NUP205: variants seen among roughly 807,000 people sequenced by gnomAD.
NUP205 encodes nucleoporin 205, also known as nuclear pore complex protein Nup205.
NUP205 carries 76 observed loss-of-function variants against 253.8 expected under a neutral mutation model. The ratio of observed to expected loss-of-function variants is 0.30; its 90% CI spans 0.25 to 0.36. NUP205 has a LOEUF of 0.36. NUP205 is among the 10% of genes least tolerant of loss of function. The pLI, the probability that NUP205 is intolerant of heterozygous loss-of-function variation, is 1.00. For missense variants in NUP205, 2,162 were observed against 2,425.5 expected, an observed-to-expected ratio of 0.89 and a Z score of 2.28; for synonymous variants, 832 against 850.1, an observed-to-expected ratio of 0.98 and a Z score of 0.37.
intron 1 of NUP205, among the ~76,000 whole-genome samples, chr7:135,558,568 T>G (rs560269236): frequency 3.3e-4 from 51 of 152,258 alleles, no homozygotes; most frequent in Admixed American, 1.0e-3. Flanking sequence ...TGGAATTGAA[T>G]CTAGAAGGTA....
chr7:135,598,117 GC>G lies in NUP205; in HGVS notation c.2189del (p.Pro730LeufsTer55), dbSNP rs1297134052. ...CTTCTAATTTGGGTGCTGGACTGCG[GC>G]CCCCTGGCTTTGACCCTTATTTGCA... ...FPSNLGAGLRPPGFDPYLQFL... is the reference protein window; with the variant it reads ...FPSNLGAGLRXPGFDPYLQFL... On this transcript the variant is annotated frameshift_variant, in exon 15 of 43. Coordinates refer to ENST00000285968, the MANE Select transcript of NUP205 (RefSeq NM_015135.3). LOFTEE classifies it high-confidence loss of function. The G allele has an allele frequency of 6.2e-7, 1 of 1,614,108 alleles. No homozygotes were observed. The highest frequency in any genetic ancestry group is 1.1e-5 in the South Asian group (1 of 91,076).
At chr7:135,646,372 G>A (rs1283455916) in intron 42 of NUP205, 141 bp downstream of exon 42, 1 of 642,552 alleles carries the variant, frequency 1.6e-6, no homozygotes, top group South Asian at 1.9e-5. Flanking sequence ...AGAGCAGTCT[G>A]GGCAACATAG....
intron 31 of NUP205, among the ~76,000 whole-genome samples, chr7:135,623,610 T>G (rs1026869564): frequency 2.0e-5 from 3 of 152,220 alleles, no homozygotes; most frequent in Non-Finnish European, 4.4e-5. Flanking sequence ...GTATTTATAT[T>G]TCTTGTACAG....
intron 2 of NUP205, among the ~76,000 whole-genome samples, chr7:135,572,703 C>T (rs1398842504): frequency 6.6e-6 from 1 of 152,132 alleles, no homozygotes; most frequent in Non-Finnish European, 1.5e-5. Context: ...GGATTACAGG[C>T]GCCTGCCACC....
chr7:135,573,855 A>G (rs1321824633), intron 3 of NUP205, 30 bp downstream of exon 3: 3 of 1,514,230 alleles, frequency 2.0e-6, no homozygotes, highest in Admixed American at 1.9e-5. Context: ...AAACAGTGGT[A>G]AAATAATGCA....
At chr7:135,614,691 T>C (rs1211043722) in intron 23 of NUP205, among the ~76,000 whole-genome samples, 1 of 152,222 alleles carries the variant, frequency 6.6e-6, no homozygotes, top group African/African-American at 2.4e-5. Context: ...AAATGAAAAG[T>C]TGAAAACTAA....
chr7:135,565,900 A>G (rs1279386655), intron 1 of NUP205, among the ~76,000 whole-genome samples: 1 of 152,166 alleles, frequency 6.6e-6, no homozygotes, highest in Non-Finnish European at 1.5e-5. Context: ...TATCCTTTGC[A>G]GTTAGAGAGA....
intron 25 of NUP205, 85 bp from the exon 26 acceptor site, chr7:135,617,003 ACT>A: frequency 1.0e-6 from 1 of 952,520 alleles, no homozygotes; most frequent in Non-Finnish European, 1.5e-6. Context: ...TGAAAATAGC[ACT>A]GTCTTTGAAA....
At chr7:135,595,782 ATTATT>A (rs759524160) in intron 13 of NUP205, among the ~76,000 whole-genome samples, 22 of 152,240 alleles carry the variant, frequency 1.4e-4, no homozygotes, top group Non-Finnish European at 2.6e-4. Context: ...ATCAGGTATA[ATTATT>A]TTATATGTGA....
intron 11 of NUP205, 45 bp downstream of exon 11, chr7:135,591,645 T>C: frequency 1.3e-6 from 2 of 1,549,276 alleles, no homozygotes; most frequent in Non-Finnish European, 1.8e-6. Context: ...TTATACTCTT[T>C]TAAGTTCAGT....
At chr7:135,607,180 A>T in intron 21 of NUP205, 67 bp from the exon 22 acceptor site, 1 of 1,570,278 alleles carries the variant, frequency 6.4e-7, no homozygotes, top group Non-Finnish European at 8.6e-7. Context: ...ACTTTTGAAA[A>T]GGCAGTCTAA....
chr7:135,582,663 C>A (rs925012580), intron 7 of NUP205, among the ~76,000 whole-genome samples: 1 of 152,228 alleles, frequency 6.6e-6, no homozygotes, highest in East Asian at 1.9e-4. Flanking sequence ...TGAGGTCTCA[C>A]TATGTTGCCT....
chr7:135,567,955 G>A (rs552997632), intron 1 of NUP205, among the ~76,000 whole-genome samples: 2 of 152,304 alleles, frequency 1.3e-5, no homozygotes, highest in Middle Eastern at 6.8e-3. Context: ...GCCGGGCGCC[G>A]TGGCTCATGC....
intron 1 of NUP205, among the ~76,000 whole-genome samples, chr7:135,567,144 A>G (rs796080111): frequency 4.4e-4 from 27 of 61,132 alleles, no homozygotes; most frequent in African/African-American, 1.3e-3. Context: ...ATATATATAT[A>G]TATATATATA....
At chr7:135,563,757 G>A (rs762682768) in intron 1 of NUP205, among the ~76,000 whole-genome samples, 2 of 152,064 alleles carry the variant, frequency 1.3e-5, no homozygotes, top group Non-Finnish European at 2.9e-5. Context: ...GGCTGAGGAG[G>A]GAGGATCACT....
intron 31 of NUP205, among the ~76,000 whole-genome samples, chr7:135,624,350 C>T (rs994192929): frequency 6.7e-6 from 1 of 150,374 alleles, no homozygotes; most frequent in Non-Finnish European, 1.5e-5. Flanking sequence ...TACAGGCATG[C>T]ACCACCATGC....
At chr7:135,562,084 A>G (rs1212781921) in intron 1 of NUP205, among the ~76,000 whole-genome samples, 1 of 151,490 alleles carries the variant, frequency 6.6e-6, no homozygotes, top group Non-Finnish European at 1.5e-5. Flanking sequence ...CAGCCTACTG[A>G]CTCCCTTTTC....
At chr7:135,618,369 T>C in intron 27 of NUP205, 43 bp from the exon 28 acceptor site, 1 of 1,518,476 alleles carries the variant, frequency 6.6e-7, no homozygotes, top group South Asian at 1.1e-5. Flanking sequence ...TAACTGATCT[T>C]ATTTGCCTGT....
chr7:135,558,425 C>T (rs1032801143), intron 1 of NUP205, among the ~76,000 whole-genome samples: 7 of 152,150 alleles, frequency 4.6e-5, no homozygotes, highest in African/African-American at 1.7e-4. Flanking sequence ...AGCGAATACT[C>T]CCTATTATGA....
Sources: gnomAD v4.1 joint callset for allele counts (sites outside exome capture counted in the v4.1 genomes callset) on GRCh38, gnomAD v4.1.1 for gene constraint, MANE v1.5 for transcripts, NCBI Gene and HGNC (gene_info 2026-07-23, HGNC 2026-07-21) for gene names.